Variants in PLCB1 observed in about 807,000 individuals in gnomAD.
PLCB1 encodes 1-phosphatidylinositol 4,5-bisphosphate phosphodiesterase beta-1.
In PLCB1, 46 loss-of-function variants were observed where a neutral mutation model predicts 161.8. That is an observed-to-expected ratio of 0.28 (90% confidence interval 0.22 to 0.36). PLCB1 has a LOEUF of 0.36. PLCB1 is among the 10% of genes least tolerant of loss of function. The pLI is 1.00. For missense variants in PLCB1, 1,016 were observed against 1,472.5 expected (o/e 0.69, Z 5.07); for synonymous variants, 517 against 503.7 (o/e 1.03, Z -0.35).
intron 3 of PLCB1, among the ~76,000 whole-genome samples, chr20:8,557,012 A>T (rs13038334): frequency 1.6e-5 from 2 of 126,288 alleles, no homozygotes; most frequent in Non-Finnish European, 3.2e-5. Context: ...ATAAATAAAT[A>T]AAATAAATAA....
chr20:8,526,641 T>G (rs988675131), intron 3 of PLCB1, among the ~76,000 whole-genome samples: 1 of 152,124 alleles, frequency 6.6e-6, no homozygotes, highest in African/African-American at 2.4e-5. Context: ...CACAGTATAG[T>G]TGTTGAATCC....
In PLCB1 at chr20:8,355,277, G is replaced by GT. The variant is rs147414554; in HGVS notation, c.178-16105_178-16104insT. On this transcript the variant is annotated intron_variant, in intron 2 of 31. Transcript: ENST00000338037. ...TCATTTAAGCCCCATATTATTTGGAGATCATAGGTACAATAAAAAATAAAT... is the reference window on the plus strand; with the variant it reads ...TCATTTAAGCCCCATATTATTTGGAGTATCATAGGTACAATAAAAAATAAAT... Among the ~76,000 whole-genome samples the GT allele has an allele frequency of 5.1e-3, 769 of 151,918 alleles. 9 individuals carry two copies. The highest frequency in any genetic ancestry group is 0.018 in the African/African-American group (730 of 41,458).
intron 1 of PLCB1, among the ~76,000 whole-genome samples, chr20:8,133,828 GTTC>G (rs1298228540): frequency 6.6e-6 from 1 of 152,184 alleles, no homozygotes; most frequent in Non-Finnish European, 1.5e-5. Flanking sequence ...AGAATGAGGC[GTTC>G]TTCTTGCCGA....
At chr20:8,384,479 C>T (rs1427296110) in intron 3 of PLCB1, among the ~76,000 whole-genome samples, 5 of 152,052 alleles carry the variant, frequency 3.3e-5, no homozygotes, top group Admixed American at 3.3e-4. Context: ...GCTCCTTTAG[C>T]TCAGTGGAGT....
rs202079822 is a variant in PLCB1, at chr20:8,739,338, G to T, written c.2286G>T (p.Leu762Phe). The T allele has an allele frequency of 1.7e-5, 28 of 1,612,554 alleles. No homozygotes were observed. Among genetic ancestry groups the T allele is most frequent in the Non-Finnish European group, 2.1e-5 (25 of 1,178,644 alleles). ...EGGKFIGHRILPVQAIRPGYH... is the reference protein window; with the variant it reads ...EGGKFIGHRIFPVQAIRPGYH... ...GTAAATTCATTGGCCACCGTATCTT[G>T]CCAGTGCAAGCCATTCGGCCAGGTA... The change falls in exon 21 of 32, where the codon TTG becomes TTT. Residue 762 changes from leucine (L) to phenylalanine (F), a missense_variant. By Grantham distance (22) the Leu-to-Phe change is conservative. Coordinates refer to ENST00000338037, the MANE Select transcript of PLCB1 (RefSeq NM_015192.4).
At chr20:8,720,762 G>A (rs1052731154) in intron 14 of PLCB1, among the ~76,000 whole-genome samples, 5 of 151,726 alleles carry the variant, frequency 3.3e-5, no homozygotes, top group African/African-American at 7.3e-5. Context: ...AAATGACTGC[G>A]AATTGTTGGG....
chr20:8,292,076 TA>T (rs1330488691), intron 2 of PLCB1, among the ~76,000 whole-genome samples: 2 of 152,252 alleles, frequency 1.3e-5, no homozygotes, highest in African/African-American at 4.8e-5. Flanking sequence ...TGCTTTCAAA[TA>T]CCTCAAAGTA....
In PLCB1 at chr20:8,774,703, G is replaced by A. The variant is rs780373377; in HGVS notation, c.3095G>A (p.Arg1032Gln). 56 of 1,602,604 alleles carry A rather than the reference G, an allele frequency of 3.5e-5. No individual in the cohort carries two copies. The Admixed American group carries it at 5.3e-4, about 15-fold the overall frequency. The change falls in exon 27 of 32, where the codon CGA becomes CAA. Residue 1032 changes from arginine to glutamine, a missense_variant. By Grantham distance (43) the Arg-to-Gln change is conservative. Around this residue, in one of 10 missense-constraint regions of PLCB1, gnomAD observed 398 missense variants for 445.4 expected, o/e 0.89. Coordinates refer to ENST00000338037, the MANE Select transcript of PLCB1 (RefSeq NM_015192.4). ...EQYYSEKYQK[R>Q]EHIKLLIQKL... is the part of the protein sequence containing the mutation. ...TATTATAGTGAAAAATACCAGAAGC[G>A]AGAACATATTAAACTGGTGAGCCTG...
Position 8,739,341 on chromosome 20 carries a change from A to C in PLCB1, c.2289A>C (p.Pro763=), listed in dbSNP as rs1980747936. The change falls in exon 21 of 32, where the codon CCA becomes CCC. Residue 763 remains proline, a synonymous_variant. Coordinates refer to ENST00000338037, the MANE Select transcript of PLCB1 (RefSeq NM_015192.4). ...GGKFIGHRIL[P]VQAIRPGYHY... is the part of the protein sequence containing the mutation. ...AATTCATTGGCCACCGTATCTTGCC[A>C]GTGCAAGCCATTCGGCCAGGTATGG... 6.2e-7 allele frequency: 1 copy of C among 1,612,556 alleles called. No homozygotes were observed. Among genetic ancestry groups the C allele is most frequent in the African/African-American group, 1.3e-5 (1 of 74,912 alleles).
chr20:8,271,922 A>T (rs1982305113), intron 2 of PLCB1, among the ~76,000 whole-genome samples: 1 of 152,140 alleles, frequency 6.6e-6, no homozygotes, highest in South Asian at 2.1e-4. Context: ...CAGGCTCTGA[A>T]GAAAGAAAGA....
chr20:8,763,348 C>G (rs549448484), intron 25 of PLCB1, among the ~76,000 whole-genome samples: 13 of 151,876 alleles, frequency 8.6e-5, no homozygotes, highest in Admixed American at 4.6e-4. Flanking sequence ...ATTACAGGTG[C>G]CTGCCACCAC....
intron 19 of PLCB1, among the ~76,000 whole-genome samples, chr20:8,733,811 A>G (rs1980418666): frequency 6.8e-6 from 1 of 147,314 alleles, no homozygotes; most frequent in African/African-American, 2.5e-5. Context: ...TAATAATAAT[A>G]ATAATAATAA....
At chr20:8,724,514 G>C in intron 15 of PLCB1, 142 bp from the exon 16 acceptor site, 1 of 639,012 alleles carries the variant, frequency 1.6e-6, no homozygotes, top group Admixed American at 3.0e-5. Flanking sequence ...CCTTTCTCCT[G>C]TAATGAATTT....
chr20:8,132,982 G>T lies in PLCB1; in HGVS notation c.99+232G>T, dbSNP rs1311542114. On this transcript the variant is annotated intron_variant, in intron 1 of 31. Transcript: ENST00000338037. This position sits in a 1 kb window ranked among gnomAD's most constrained non-coding sequence, Gnocchi z 5.2. ...TTGCCATCCTTTCTGGGTCTGGCAG[G>T]CGCCCCCTGAGGGTCTTACATCTTT... 1.3e-5 allele frequency among the ~76,000 whole-genome samples: 2 copies of T among 152,170 alleles called. No homozygotes were observed. The highest frequency in any genetic ancestry group is 2.9e-5 in the Non-Finnish European group (2 of 68,020).
intron 3 of PLCB1, among the ~76,000 whole-genome samples, chr20:8,532,060 G>A (rs900703041): frequency 1.3e-5 from 2 of 151,898 alleles, no homozygotes; most frequent in African/African-American, 4.8e-5. Context: ...GGGTTTAGAG[G>A]GGCCTATTAC....
At chr20:8,464,735 A>G (rs1981737735) in intron 3 of PLCB1, among the ~76,000 whole-genome samples, 1 of 152,240 alleles carries the variant, frequency 6.6e-6, no homozygotes, top group Admixed American at 6.5e-5. Context: ...GCTCTCAGCC[A>G]CTATTGTTTG....
intron 2 of PLCB1, among the ~76,000 whole-genome samples, chr20:8,170,347 C>G (rs1418847973): frequency 6.6e-6 from 1 of 151,686 alleles, no homozygotes; most frequent in East Asian, 1.9e-4. Context: ...GTCATAAACT[C>G]TATTTAAAAA....
intron 3 of PLCB1, among the ~76,000 whole-genome samples, chr20:8,499,267 G>A (rs1432379240): frequency 1.3e-5 from 2 of 152,150 alleles, no homozygotes; most frequent in East Asian, 1.9e-4. Flanking sequence ...AAACATACAA[G>A]TATTGCTTTT....
chr20:8,607,810 G>A (rs550907829), intron 3 of PLCB1, among the ~76,000 whole-genome samples: 2 of 152,244 alleles, frequency 1.3e-5, no homozygotes, highest in South Asian at 4.1e-4. Flanking sequence ...ATGAGTGAGT[G>A]AATGAATGGA....
Sources: allele counts gnomAD v4.1 joint callset (sites outside exome capture counted in the v4.1 genomes callset), GRCh38; gene constraint gnomAD v4.1.1; regional missense constraint gnomAD v4.1.1; non-coding constraint Gnocchi (gnomAD v3.1); transcripts MANE v1.5; gene names NCBI Gene and HGNC (gene_info 2026-07-23, HGNC 2026-07-21).